Variants in ABL1 observed in about 807,000 individuals in gnomAD.
ABL1 encodes tyrosine-protein kinase ABL1.
Under a neutral mutation model 94.7 loss-of-function variants are expected in ABL1, and 11 were observed. That is an observed-to-expected ratio of 0.12 (90% CI 0.07 to 0.19). ABL1 has a LOEUF of 0.19. Among genes scored for constraint, ABL1 ranks in the 10% least tolerant of loss-of-function variants. The pLI, the probability that ABL1 is intolerant of heterozygous loss-of-function variation, is 1.00. For synonymous variants in ABL1, 656 were observed against 622.4 expected (o/e 1.05, Z -0.80); for missense variants, 1,082 against 1,489.4 (o/e 0.73, Z 4.50).
intron 1 of ABL1, among the ~76,000 whole-genome samples, chr9:130,723,644 C>G (rs10901275): frequency 0.19 from 29,403 of 152,036 alleles, 3,515 homozygotes; most frequent in Middle Eastern, 0.38. Flanking sequence ...TATTTTACAT[C>G]TCTGGTCCTC....
intron 1 of ABL1, among the ~76,000 whole-genome samples, chr9:130,756,374 A>G (rs1832041877): frequency 6.6e-6 from 1 of 151,222 alleles, no homozygotes; most frequent in South Asian, 2.1e-4. Context: ...TCATTTGTTC[A>G]GATTTCCCAC....
chr9:130,865,868 A>C (rs952548737), intron 4 of ABL1, among the ~76,000 whole-genome samples: 1 of 151,876 alleles, frequency 6.6e-6, no homozygotes, highest in Non-Finnish European at 1.5e-5. Context: ...TGCTTACTAC[A>C]TGTCGCATCT....
chr9:130,874,773 C>G, intron 6 of ABL1, 95 bp from the exon 7 acceptor site: 1 of 1,321,378 alleles, frequency 7.6e-7, no homozygotes, highest in South Asian at 1.3e-5. Context: ...CTCAATCTTT[C>G]CATTGTCAGC....
At chr9:130,748,391 A>G (rs541254918) in intron 1 of ABL1, among the ~76,000 whole-genome samples, 6 of 152,178 alleles carry the variant, frequency 3.9e-5, no homozygotes, top group African/African-American at 1.4e-4. Context: ...ACTCTAATAT[A>G]AGAGTTGAAT....
intron 1 of ABL1, among the ~76,000 whole-genome samples, chr9:130,768,436 C>T (rs968455628): frequency 3.3e-5 from 5 of 152,140 alleles, no homozygotes; most frequent in Non-Finnish European, 5.9e-5. Flanking sequence ...AGTCTGATGG[C>T]GGTGGAAGTG....
At chr9:130,882,952 G>A (rs1021660991) in intron 10 of ABL1, among the ~76,000 whole-genome samples, 5 of 152,066 alleles carry the variant, frequency 3.3e-5, no homozygotes, top group Admixed American at 6.5e-5. Context: ...CGAGGTCAGC[G>A]AATCACAAGG....
In ABL1 at chr9:130,809,207, T is replaced by C. The variant is rs77826733; in HGVS notation, c.137-44857T>C. On this transcript the variant is annotated intron_variant, in intron 1 of 10. Coordinates refer to the ABL1 transcript ENST00000372348. ...GGTTGAGTACTGATCAGTGCACCCA[T>C]GTGAGGAAACCCCTTAGTTCAGGGA... Among the ~76,000 whole-genome samples the C allele has an allele frequency of 3.7e-3, 559 of 152,182 alleles. 5 individuals are homozygous for C. Among genetic ancestry groups the C allele is most frequent in the African/African-American group, 0.013 (549 of 41,522 alleles).
chr9:130,729,560 A>C (rs768619773), intron 1 of ABL1, among the ~76,000 whole-genome samples: 1 of 152,022 alleles, frequency 6.6e-6, no homozygotes, highest in South Asian at 2.1e-4. Context: ...CATGCAACTT[A>C]CCTTATGTTT....
intron 1 of ABL1, among the ~76,000 whole-genome samples, chr9:130,790,050 G>A (rs1829885145): frequency 6.6e-6 from 1 of 152,244 alleles, no homozygotes; most frequent in Admixed American, 6.5e-5. Context: ...GCCTTTGTCT[G>A]TCATTTGTGG....
chr9:130,876,503 C>T (rs1261784608), intron 7 of ABL1, among the ~76,000 whole-genome samples: 9 of 150,868 alleles, frequency 6.0e-5, no homozygotes, highest in South Asian at 2.1e-4. Context: ...CTGCAACCTC[C>T]GCCTACCAGA....
chr9:130,803,190 C>A (rs534630119), intron 1 of ABL1, among the ~76,000 whole-genome samples: 1 of 152,284 alleles, frequency 6.6e-6, no homozygotes, highest in African/African-American at 2.4e-5. Flanking sequence ...CAGGCCCGCA[C>A]CACCACGCCC....
chr9:130,749,178 C>CCA (rs1831924347), intron 1 of ABL1, among the ~76,000 whole-genome samples: 1 of 151,952 alleles, frequency 6.6e-6, no homozygotes, highest in Non-Finnish European at 1.5e-5. Context: ...GGTTCTTTGT[C>CCA]AAGTTCAACA....
chr9:130,860,206 G>C (rs535927419), intron 3 of ABL1, among the ~76,000 whole-genome samples: 6 of 152,196 alleles, frequency 3.9e-5, no homozygotes, highest in Non-Finnish European at 8.8e-5. Flanking sequence ...TAATCAGAAG[G>C]AAGCACCAGC....
At chr9:130,838,557 C>T (rs979762537) in intron 1 of ABL1, among the ~76,000 whole-genome samples, 5 of 149,954 alleles carry the variant, frequency 3.3e-5, no homozygotes, top group Non-Finnish European at 5.9e-5. Flanking sequence ...TCTAGAAATA[C>T]TGTGTGCACA....
At chr9:130,849,326 A>C (rs1261566965) in intron 1 of ABL1, among the ~76,000 whole-genome samples, 1 of 152,200 alleles carries the variant, frequency 6.6e-6, no homozygotes, top group Non-Finnish European at 1.5e-5. Flanking sequence ...AATTCTTTAT[A>C]GACTTCTGGT....
intron 1 of ABL1, among the ~76,000 whole-genome samples, chr9:130,829,282 C>T (rs1318385694): frequency 3.9e-5 from 6 of 152,238 alleles, no homozygotes; most frequent in East Asian, 1.9e-4. Flanking sequence ...GAACTGAGCC[C>T]GGGCACGGTG....
chr9:130,717,710 GC>G (rs1452183821), intron 1 of ABL1, among the ~76,000 whole-genome samples: 3 of 150,286 alleles, frequency 2.0e-5, no homozygotes, highest in Non-Finnish European at 4.4e-5. Flanking sequence ...AAGGCAGCCA[GC>G]CTTTAAGAAA....
rs1393146787 is a variant in ABL1, at chr9:130,745,426, G to A, written c.136+30971G>A. On this transcript the variant is annotated intron_variant, in intron 1 of 10. Transcript: ENST00000372348. The stretch of plus-strand genomic sequence containing the variant: ...GTCAACTGTGTAGGTGTTCATGCTG[G>A]CCTGCATAATAGAGCGCCTGCTGTT... Among the ~76,000 whole-genome samples, 3 of 151,846 alleles carry A rather than the reference G, an allele frequency of 2.0e-5. No homozygotes were observed. In the East Asian group the frequency reaches 5.8e-4, roughly 30 times the overall value.
At chr9:130,860,068 G>C (rs909555468) in intron 3 of ABL1, among the ~76,000 whole-genome samples, 1 of 152,122 alleles carries the variant, frequency 6.6e-6, no homozygotes, top group African/African-American at 2.4e-5. Flanking sequence ...CTGAGCACCT[G>C]AGTGTTCATG....
Sources: gnomAD v4.1 joint callset for allele counts (sites outside exome capture counted in the v4.1 genomes callset) on GRCh38, gnomAD v4.1.1 for gene constraint, MANE v1.5 for transcripts, NCBI Gene and HGNC (gene_info 2026-07-23, HGNC 2026-07-21) for gene names.